Variants in MYCBP2 observed in about 807,000 individuals in gnomAD.
The protein encoded by MYCBP2 is E3 ubiquitin-protein ligase MYCBP2.
In MYCBP2, 120 loss-of-function variants were observed where a neutral mutation model predicts 525.3. The observed-to-expected ratio is 0.23, with a 90% CI of 0.20 to 0.27. The LOEUF is 0.27. MYCBP2 is among the 10% of genes least tolerant of loss of function. The pLI is 1.00. For synonymous variants in MYCBP2, 1,894 were observed against 1,955.8 expected (o/e 0.97, Z 0.83); for missense variants, 4,149 against 5,657.1 (o/e 0.73, Z 8.55).
intron 15 of MYCBP2, among the ~76,000 whole-genome samples, chr13:77,249,436 A>C (rs1338648850): frequency 6.6e-6 from 1 of 152,238 alleles, no homozygotes; most frequent in African/African-American, 2.4e-5. Context: ...ATTATAAATT[A>C]TGTAAGTCTC....
Position 77,066,078 on chromosome 13 carries a change from G to A in MYCBP2, c.12466C>T (p.Arg4156Ter). The change falls in exon 72 of 83, where the codon CGA becomes TGA. Residue 4156 changes from arginine to a stop codon, truncating the protein, a stop_gained. Coordinates refer to ENST00000544440, the MANE Select transcript of MYCBP2 (RefSeq NM_015057.5). LOFTEE classifies it high-confidence loss of function. Reference protein sequence around the residue: ...PMIFNSSYLRRGESHWWMKGS... With the variant: ...PMIFNSSYLR Reference sequence around the variant, plus strand: ...TTCATCCACCAATGACTTTCACCTCGTCGGAGATAACTACAAGAAAAATTA... The same window carrying A: ...TTCATCCACCAATGACTTTCACCTCATCGGAGATAACTACAAGAAAAATTA... 6.2e-7 allele frequency: 1 copy of A among 1,610,912 alleles called. No individual in the cohort carries two copies. The highest frequency in any genetic ancestry group is 8.5e-7 in the Non-Finnish European group (1 of 1,177,922).
intron 4 of MYCBP2, 148 bp from the exon 5 acceptor site, chr13:77,273,816 C>A: frequency 1.8e-6 from 1 of 546,298 alleles, no homozygotes; most frequent in Non-Finnish European, 2.9e-6. Context: ...TAGTTACTCT[C>A]TTCCCCAAAA....
intron 1 of MYCBP2, among the ~76,000 whole-genome samples, chr13:77,306,628 T>A (rs763280775): frequency 9.2e-5 from 14 of 152,202 alleles, no homozygotes; most frequent in Non-Finnish European, 1.8e-4. Flanking sequence ...CCCTGCCTCA[T>A]GCATATTTGT....
At chr13:77,268,039 A>G in intron 7 of MYCBP2, 102 bp from the exon 8 acceptor site, 4 of 655,440 alleles carry the variant, frequency 6.1e-6, no homozygotes, top group Non-Finnish European at 1.1e-5. Context: ...GTACAATAAT[A>G]CATCAATATT....
intron 20 of MYCBP2, among the ~76,000 whole-genome samples, chr13:77,220,527 A>G (rs897510647): frequency 6.6e-6 from 1 of 152,186 alleles, no homozygotes; most frequent in Non-Finnish European, 1.5e-5. Context: ...TATCATGCAT[A>G]CCACAATATT....
At chr13:77,212,626 C>T in intron 21 of MYCBP2, among the ~76,000 whole-genome samples, 1 of 152,244 alleles carries the variant, frequency 6.6e-6, no homozygotes, top group Non-Finnish European at 1.5e-5. Flanking sequence ...AATACTGAAA[C>T]TGTGAATACA....
At chr13:77,180,870 C>A (rs1025571618) in intron 33 of MYCBP2, among the ~76,000 whole-genome samples, 1 of 152,060 alleles carries the variant, frequency 6.6e-6, no homozygotes, top group Non-Finnish European at 1.5e-5. Context: ...CAGTAAACTG[C>A]GATGGCACAA....
At chr13:77,065,473 T>G (rs771948993) in intron 72 of MYCBP2, among the ~76,000 whole-genome samples, 4 of 152,132 alleles carry the variant, frequency 2.6e-5, no homozygotes, top group Non-Finnish European at 5.9e-5. Context: ...CTAGAAATAA[T>G]ACAATGTGTG....
chr13:77,214,697 G>T (rs2064551406), intron 21 of MYCBP2, among the ~76,000 whole-genome samples: 1 of 150,120 alleles, frequency 6.7e-6, no homozygotes, highest in Non-Finnish European at 1.5e-5. Context: ...AACCTAGACG[G>T]TATATCTACT....
In MYCBP2 at chr13:77,261,342, T is replaced by G. The variant is rs1267371728; in HGVS notation, c.1681A>C (p.Ile561Leu). 4 of 1,613,062 alleles carry G rather than the reference T, an allele frequency of 2.5e-6. No homozygotes were observed. Among genetic ancestry groups the G allele is most frequent in the Non-Finnish European group, 3.4e-6 (4 of 1,179,538 alleles). The change falls in exon 12 of 83, where the codon ATC becomes CTC. Residue 561 changes from isoleucine (I) to leucine (L), a missense_variant. Ile to Leu is a conservative substitution (Grantham distance 5, BLOSUM62 2). Transcript: ENST00000544440. Reference sequence around the variant, plus strand: ...CCTGCTGAAGGACCACCTTGTTTGATTCCAAGACTCTGGTATTTGCCAGTG... The same window carrying G: ...CCTGCTGAAGGACCACCTTGTTTGAGTCCAAGACTCTGGTATTTGCCAGTG... Reference protein sequence around the residue: ...YYTGKYQSLGIKQGGPSAGKW... With the variant: ...YYTGKYQSLGLKQGGPSAGKW...
At chr13:77,267,989 G>GA in intron 7 of MYCBP2, 52 bp from the exon 8 acceptor site, 1 of 1,194,038 alleles carries the variant, frequency 8.4e-7, no homozygotes, top group Non-Finnish European at 1.2e-6. Context: ...TAATTCAGCA[G>GA]AAACAGCAGC....
intron 61 of MYCBP2, chr13:77,087,923 GGT>G (rs2044637345): frequency 4.3e-6 from 1 of 231,728 alleles, no homozygotes; most frequent in African/African-American, 2.3e-5. Flanking sequence ...TGGGACTACA[GGT>G]GTGTACCACC....
At chr13:77,267,424 TAAATA>T (rs1377348252) in intron 8 of MYCBP2, among the ~76,000 whole-genome samples, 5 of 147,354 alleles carry the variant, frequency 3.4e-5, no homozygotes, top group African/African-American at 7.4e-5. Context: ...TAAATTAAAT[TAAATA>T]AAATTAAATT....
chr13:77,245,851 TACAC>T (rs57406466), intron 15 of MYCBP2, among the ~76,000 whole-genome samples: 1 of 149,914 alleles, frequency 6.7e-6, no homozygotes, highest in African/African-American at 2.5e-5. Flanking sequence ...TATATATGTA[TACAC>T]ACACACACAC....
chr13:77,057,051 C>T lies in MYCBP2; in HGVS notation c.13372G>A (p.Val4458Ile). The T allele has an allele frequency of 6.2e-7, 1 of 1,613,932 alleles. No homozygotes were observed. Among genetic ancestry groups the T allele is most frequent in the Middle Eastern group, 1.7e-4 (1 of 6,060 alleles). ...HIFHLQCCRR[V>I]LENRWLGPRI... is the part of the protein sequence containing the mutation. Reference sequence around the variant, plus strand: ...GGGCCAAGCCATCGATTTTCTAATACTCGCCGACAGCACTGTAAGTGGAAT... The same window carrying T: ...GGGCCAAGCCATCGATTTTCTAATATTCGCCGACAGCACTGTAAGTGGAAT... The change falls in exon 79 of 83, where the codon GTA becomes ATA. Residue 4458 changes from valine (V) to isoleucine (I), a missense_variant. This residue lies in a region of MYCBP2 where 220 missense variants were observed against 396.0 expected (regional missense o/e 0.56). Coordinates refer to ENST00000544440, the MANE Select transcript of MYCBP2 (RefSeq NM_015057.5).
intron 15 of MYCBP2, among the ~76,000 whole-genome samples, chr13:77,248,511 G>C (rs2070483122): frequency 6.6e-6 from 1 of 152,070 alleles, no homozygotes; most frequent in Admixed American, 6.5e-5. Flanking sequence ...AAAGTATATG[G>C]AAAGATGCTG....
chr13:77,070,751 G>A, intron 68 of MYCBP2, 40 bp from the exon 69 acceptor site: 2 of 1,288,444 alleles, frequency 1.6e-6, no homozygotes, highest in East Asian at 2.4e-5. Context: ...AGAATGAAGT[G>A]GTCTCTTTAA....
At chr13:77,176,969 C>T (rs1346160412) in intron 35 of MYCBP2, among the ~76,000 whole-genome samples, 2 of 151,992 alleles carry the variant, frequency 1.3e-5, no homozygotes, top group African/African-American at 4.8e-5. Context: ...ATTTAATAGG[C>T]AATGATTTAC....
chr13:77,255,332 C>T (rs1460330025), intron 14 of MYCBP2, among the ~76,000 whole-genome samples: 1 of 151,910 alleles, frequency 6.6e-6, no homozygotes, highest in African/African-American at 2.4e-5. Context: ...CATCTGCTTT[C>T]TAATTCATTA....
Sources: gnomAD v4.1 joint callset for allele counts (sites outside exome capture counted in the v4.1 genomes callset) on GRCh38, gnomAD v4.1.1 for gene constraint, gnomAD v4.1.1 regional missense constraint, MANE v1.5 for transcripts, NCBI Gene and HGNC (gene_info 2026-07-23, HGNC 2026-07-21) for gene names.